Variants in ZFP91 observed in about 807,000 individuals in gnomAD.
The protein encoded by ZFP91 is E3 ubiquitin-protein ligase ZFP91.
A neutral mutation model predicts 63.5 loss-of-function variants in ZFP91; 7 were observed. The ratio of observed to expected loss-of-function variants is 0.11; its 90% CI spans 0.06 to 0.21. The LOEUF is 0.21. ZFP91 is among the 10% of genes least tolerant of loss of function. The probability of loss-of-function intolerance (pLI) is 1.00; values close to 1 mark genes in which losing one functional copy is unlikely to be tolerated. For synonymous variants in ZFP91, 330 were observed against 272.1 expected (o/e 1.21, Z -2.10); for missense variants, 628 against 736.6 (o/e 0.85, Z 1.71).
chr11:58,579,417 A>G lies in ZFP91; in HGVS notation c.136A>G (p.Ser46Gly), dbSNP rs1259108318. ...CGCGGCGGCGCCTGCAGGGACCACT[A>G]GCAGCCGCGTGCTGAGGGGAGGTCG... ...AVAAAPAGTT[S>G]SRVLRGGRDR... Residue 46 changes from serine (S) to glycine (G), a missense_variant, in exon 1 of 11, where the codon AGC becomes GGC. Ser to Gly is a moderately conservative substitution (Grantham distance 56). Transcript: ENST00000316059. 2 of 1,450,610 alleles carry G rather than the reference A, an allele frequency of 1.4e-6. No individual in the cohort carries two copies. The highest frequency in any genetic ancestry group is 1.8e-6 in the Non-Finnish European group (2 of 1,109,852). 89.9% of individuals were successfully genotyped at this position (1,450,610 alleles called of 1,614,324 possible).
intron 2 of ZFP91, among the ~76,000 whole-genome samples, chr11:58,599,295 G>A (rs1041418988): frequency 3.3e-5 from 5 of 151,852 alleles, no homozygotes; most frequent in African/African-American, 1.2e-4. Flanking sequence ...TCTTTGAATA[G>A]CTGTTTTCAA....
At position 58,621,131 on chromosome 11, in the gene ZFP91, C is replaced by G. The variant is rs910998594; in HGVS notation, c.*3425C>G. The G allele has an allele frequency of 6.6e-6, 1 of 152,528 alleles. No individual in the cohort carries two copies. The highest frequency in any genetic ancestry group is 6.6e-5 in the Admixed American group (1 of 15,256). The allele number at this position is 152,528 out of a possible 1,614,324, so 9.4% of individuals were successfully genotyped here. ...CTAAGCAAACCAAATGCCCTCAGAACAGGTGTTATGTGGGGCATACTATTG... is the reference window on the plus strand; with the variant it reads ...CTAAGCAAACCAAATGCCCTCAGAAGAGGTGTTATGTGGGGCATACTATTG... On this transcript the variant is annotated 3_prime_UTR_variant, in exon 11 of 11. Transcript: ENST00000316059.
At chr11:58,612,157 T>C in intron 6 of ZFP91, 121 bp from the exon 7 acceptor site, 2 of 976,796 alleles carry the variant, frequency 2.0e-6, no homozygotes, top group Non-Finnish European at 3.1e-6. Context: ...ACTTTATGTA[T>C]TCTTGGTTAT....
intron 3 of ZFP91, 114 bp downstream of exon 3, chr11:58,610,153 G>A: frequency 6.3e-6 from 9 of 1,422,088 alleles, no homozygotes; most frequent in Non-Finnish European, 8.8e-6. Context: ...TGATGGTGTA[G>A]GTGGTATTTC....
At chr11:58,608,980 G>A (rs1037145916) in intron 2 of ZFP91, among the ~76,000 whole-genome samples, 3 of 152,102 alleles carry the variant, frequency 2.0e-5, no homozygotes, top group Non-Finnish European at 4.4e-5. Context: ...TTGTTTTTAT[G>A]TGTATCTTAT....
rs150897042 is a variant in ZFP91 at position 58,604,946 on chromosome 11, T to C, written c.371-4884T>C. Among the ~76,000 whole-genome samples the C allele has an allele frequency of 8.2e-3, 1,250 of 152,342 alleles. 11 individuals carry two copies. The highest frequency in any genetic ancestry group is 0.013 in the Non-Finnish European group (868 of 68,016). ...CTTTTAATTCCACACTATATGTATG[T>C]GTAAACTACCGATAAGAATGGCCTG... On this transcript the variant is annotated intron_variant, in intron 2 of 10. Coordinates refer to ENST00000316059, the MANE Select transcript of ZFP91 (RefSeq NM_053023.5).
chr11:58,582,419 C>T (rs957914277), intron 1 of ZFP91, among the ~76,000 whole-genome samples: 4 of 152,310 alleles, frequency 2.6e-5, no homozygotes, highest in Non-Finnish European at 5.9e-5. Flanking sequence ...GTATTACTTA[C>T]TTGTTCGCGC....
At chr11:58,589,046 C>G (rs1017193300) in intron 2 of ZFP91, among the ~76,000 whole-genome samples, 2 of 152,138 alleles carry the variant, frequency 1.3e-5, no homozygotes, top group Non-Finnish European at 2.9e-5. Flanking sequence ...TAAGCCCAGT[C>G]TTAACACTCA....
In ZFP91 at chr11:58,601,991, G is replaced by A. The variant is rs1415661401; in HGVS notation, c.371-7839G>A. 2.0e-5 allele frequency among the ~76,000 whole-genome samples: 3 copies of A among 152,000 alleles called. No homozygotes were observed. The East Asian group carries it at 5.8e-4, about 29-fold the overall frequency. On this transcript the variant is annotated intron_variant, in intron 2 of 10. Transcript: ENST00000316059. ...GGCTGGAGTGCAGTGGTGTGATCTT[G>A]GCTCAATGCAACCTCCACCTCCTGG...
At chr11:58,584,788 A>G in intron 1 of ZFP91, 68 bp from the exon 2 acceptor site, 1 of 1,385,924 alleles carries the variant, frequency 7.2e-7, no homozygotes, top group South Asian at 1.4e-5. Context: ...GTGAACCTGA[A>G]AGAGATATTT....
At chr11:58,587,099 TA>T (rs571995955) in intron 2 of ZFP91, among the ~76,000 whole-genome samples, 5 of 151,332 alleles carry the variant, frequency 3.3e-5, no homozygotes, top group East Asian at 1.9e-4. Context: ...AGTTGCAACT[TA>T]AAAAAAAAGT....
At chr11:58,611,873 C>A in intron 6 of ZFP91, 135 bp downstream of exon 6, 1 of 1,102,008 alleles carries the variant, frequency 9.1e-7, no homozygotes, top group South Asian at 2.4e-5. Context: ...AAAAATTTGG[C>A]CTCAAGCAGC....
intron 2 of ZFP91, among the ~76,000 whole-genome samples, chr11:58,592,154 C>T (rs1855318927): frequency 6.9e-6 from 1 of 144,272 alleles, no homozygotes; most frequent in Admixed American, 7.2e-5. Flanking sequence ...GTGATATCGG[C>T]TCACTGCAGC....
chr11:58,616,708 C>A lies in ZFP91; in HGVS notation c.1103-8C>A, dbSNP rs201628914. On this transcript the variant is annotated splice_polypyrimidine_tract_variant and splice_region_variant and intron_variant, in intron 9 of 10. Transcript: ENST00000316059. ...AATAGAACACTAACCACAGTATTTT[C>A]TTCATAGATCAAAGGGATTATATCT... is the stretch of plus-strand genomic sequence containing the variant. 113 of 1,611,214 alleles carry A rather than the reference C, an allele frequency of 7.0e-5. 1 individual carries two copies. The highest frequency in any genetic ancestry group is 1.2e-5 in the Non-Finnish European group (14 of 1,177,750).
rs1855797282 is a variant in ZFP91 at position 58,618,749 on chromosome 11, T to C, written c.*1043T>C. On this transcript the variant is annotated 3_prime_UTR_variant, in exon 11 of 11. Transcript: ENST00000316059. ...CTCTCCAGTGGCTTTTAAAGAAAGC[T>C]GGTCCTCAGCACTAACAAAATCACT... The C allele has an allele frequency of 2.2e-6, 1 of 454,762 alleles. No homozygotes were observed. 28.2% of individuals were successfully genotyped at this position (454,762 alleles called of 1,614,324 possible).
At position 58,579,074 on chromosome 11, in the gene ZFP91, G is replaced by C. The variant is rs1478466584; in HGVS notation, c.-208G>C. ...CCCGCTGAGCGTCTGTGGCGCGCGCGCGCGCGCCGCCAGCGGTAGCGGACC... is the reference window on the plus strand; with the variant it reads ...CCCGCTGAGCGTCTGTGGCGCGCGCCCGCGCGCCGCCAGCGGTAGCGGACC... On this transcript the variant is annotated 5_prime_UTR_variant, in exon 1 of 11. Coordinates refer to ENST00000316059, the MANE Select transcript of ZFP91 (RefSeq NM_053023.5). The C allele has an allele frequency of 3.7e-5, 14 of 375,188 alleles. No individual in the cohort carries two copies. The highest frequency in any genetic ancestry group is 2.1e-4 in the African/African-American group (9 of 43,054). The allele number at this position is 375,188 out of a possible 1,614,324, so 23.2% of individuals were successfully genotyped here. A position where few individuals can be genotyped will look rare whatever the true frequency, so the allele number is the denominator to read the frequency against.
intron 2 of ZFP91, among the ~76,000 whole-genome samples, chr11:58,598,846 C>T (rs1192678875): frequency 6.6e-6 from 1 of 151,586 alleles, no homozygotes; most frequent in East Asian, 1.9e-4. Flanking sequence ...GCATACAATT[C>T]AGTGACATTT....
chr11:58,579,454 G>T lies in ZFP91; in HGVS notation c.173G>T (p.Arg58Leu), dbSNP rs1373481785. 2 of 1,452,060 alleles carry T rather than the reference G, an allele frequency of 1.4e-6. No individual in the cohort carries two copies. Among genetic ancestry groups the T allele is most frequent in the Non-Finnish European group, 1.8e-6 (2 of 1,111,438 alleles). The allele number at this position is 1,452,060 out of a possible 1,614,324, so 89.9% of individuals were successfully genotyped here. ...RVLRGGRDRG[R>L]AAAAAAAAAV... ...CTGAGGGGAGGTCGGGACCGAGGCCGGGCCGCTGCGGCCGCCGCCGCCGCA... is the reference window on the plus strand; with the variant it reads ...CTGAGGGGAGGTCGGGACCGAGGCCTGGCCGCTGCGGCCGCCGCCGCCGCA... The change falls in exon 1 of 11, where the codon CGG (arginine) becomes CTG (leucine). Residue 58 changes from arginine to leucine, a missense_variant. Around this residue, in one of 3 missense-constraint regions of ZFP91, gnomAD observed 437 missense variants for 380.3 expected, o/e 1.15. Transcript: ENST00000316059.
chr11:58,616,063 G>T lies in ZFP91; in HGVS notation c.1103-653G>T, dbSNP rs889816714. Among the ~76,000 whole-genome samples the T allele has an allele frequency of 5.9e-5, 9 of 152,184 alleles. No individual in the cohort carries two copies. The South Asian group carries it at 1.2e-3, about 21-fold the overall frequency. Reference sequence around the variant, plus strand: ...CATTCATCAGAAATCCTGCATAATGGGGTTGAGGGTGTTGTGAGTGACAAA... The same window carrying T: ...CATTCATCAGAAATCCTGCATAATGTGGTTGAGGGTGTTGTGAGTGACAAA... On this transcript the variant is annotated intron_variant, in intron 9 of 10. Coordinates refer to ENST00000316059, the MANE Select transcript of ZFP91 (RefSeq NM_053023.5).
Sources: gnomAD v4.1 joint callset for allele counts (sites outside exome capture counted in the v4.1 genomes callset) on GRCh38, gnomAD v4.1.1 for gene constraint, gnomAD v4.1.1 regional missense constraint, MANE v1.5 for transcripts, NCBI Gene and HGNC (gene_info 2026-07-23, HGNC 2026-07-21) for gene names.